The following COG5 variants were observed in gnomAD, a reference collection of about 807,000 sequenced individuals.
The protein encoded by COG5 is component of oligomeric golgi complex 5.
Under a neutral mutation model 110.4 loss-of-function variants are expected in COG5, and 86 were observed. The ratio of observed to expected loss-of-function variants is 0.78; its 90% confidence interval spans 0.65 to 0.93. The LOEUF is 0.93. Ranked by LOEUF, COG5 falls within the 40% of genes least tolerant of loss-of-function variation. COG5 has a pLI of 0.00. For synonymous variants in COG5, 360 were observed against 334.6 expected (o/e 1.08, Z -0.83); for missense variants, 1,077 against 987.0 (o/e 1.09, Z -1.22).
chr7:107,306,637 G>T (rs913087082), intron 11 of COG5, among the ~76,000 whole-genome samples: 5 of 152,086 alleles, frequency 3.3e-5, no homozygotes, highest in African/African-American at 1.2e-4. Context: ...CAAAGTTATG[G>T]AATCCAATAC....
At chr7:107,292,520 T>C (rs924483012) in intron 12 of COG5, among the ~76,000 whole-genome samples, 1 of 152,198 alleles carries the variant, frequency 6.6e-6, no homozygotes, top group African/African-American at 2.4e-5. Flanking sequence ...AAAGAGCCCA[T>C]GTCCTTATAC....
At chr7:107,372,878 T>C in intron 7 of COG5, 118 bp from the exon 8 acceptor site, 1 of 844,260 alleles carries the variant, frequency 1.2e-6, no homozygotes, top group Non-Finnish European at 1.8e-6. Flanking sequence ...AATACTACCA[T>C]ATTTTAAAAT....
At chr7:107,508,233 T>C (rs1476351465) in intron 6 of COG5, among the ~76,000 whole-genome samples, 1 of 152,184 alleles carries the variant, frequency 6.6e-6, no homozygotes, top group Non-Finnish European at 1.5e-5. Flanking sequence ...GGGGATTATA[T>C]CCCGCACCTG....
At chr7:107,391,203 C>T (rs773886875) in intron 7 of COG5, among the ~76,000 whole-genome samples, 3 of 152,090 alleles carry the variant, frequency 2.0e-5, no homozygotes, top group Non-Finnish European at 2.9e-5. Context: ...CCAGCGAGTA[C>T]AGCCCCAGTT....
chr7:107,513,009 A>T (rs1799643746), intron 6 of COG5, among the ~76,000 whole-genome samples: 1 of 152,144 alleles, frequency 6.6e-6, no homozygotes, highest in Non-Finnish European at 1.5e-5. Context: ...TGTCTAAAAC[A>T]CCAAAAGCAA....
chr7:107,563,830 C>T lies in COG5; in HGVS notation c.67G>A (p.Ala23Thr). ...TCCTGCAGAAGTTCCCGGACTGTAG[C>T]TGCAGCCGCTCCAGAGCCTCGAGCT... ...LGARGSGAAA[A>T]TVRELLQDGC... Residue 23 changes from alanine to threonine, a missense_variant, in exon 1 of 22, where the codon GCT becomes ACT. Coordinates refer to ENST00000297135, the MANE Select transcript of COG5 (RefSeq NM_006348.5). 6.2e-7 allele frequency: 1 copy of T among 1,613,812 alleles called. No individual in the cohort carries two copies. Among genetic ancestry groups the T allele is most frequent in the African/African-American group, 1.3e-5 (1 of 75,056 alleles).
At chr7:107,450,695 T>G (rs150620041) in intron 6 of COG5, among the ~76,000 whole-genome samples, 1 of 152,182 alleles carries the variant, frequency 6.6e-6, no homozygotes, top group Non-Finnish European at 1.5e-5. Context: ...AGGAGGATTG[T>G]CCTTATCTAT....
chr7:107,410,980 C>CGGGTTTTG (rs1792244561), intron 7 of COG5, among the ~76,000 whole-genome samples: 6 of 152,104 alleles, frequency 3.9e-5, no homozygotes. Context: ...GTGAGCCCAA[C>CGGGTTTTG]GTATGAGAAT....
At chr7:107,205,735 G>A (rs1202015206) in intron 21 of COG5, among the ~76,000 whole-genome samples, 1 of 152,048 alleles carries the variant, frequency 6.6e-6, no homozygotes, top group Non-Finnish European at 1.5e-5. Context: ...CCCTTTTAAG[G>A]AAAGCCTTTC....
rs1809040451 is a variant in COG5 at position 107,319,316 on chromosome 7, G to A, written c.1108+5124C>T. Among the ~76,000 whole-genome samples, 2 of 152,004 alleles carry A rather than the reference G, an allele frequency of 1.3e-5. 1 individual carries two copies. Among genetic ancestry groups the A allele is most frequent in the South Asian group, 4.2e-4 (2 of 4,818 alleles). ...TACTTCAGCTTCTCTGTTTCTACTG[G>A]TTATGGTCTCATTTTCCTGCTTCTT... On this transcript the variant is annotated intron_variant, in intron 11 of 21. Transcript: ENST00000297135.
intron 16 of COG5, among the ~76,000 whole-genome samples, chr7:107,255,480 ACTTTAGAAGCTCC>A (rs1285623388): frequency 1.3e-5 from 2 of 152,052 alleles, no homozygotes; most frequent in Non-Finnish European, 2.9e-5. Context: ...AAAGCATTTG[ACTTTAGAAGCTCC>A]CTTCCCCTTT....
intron 6 of COG5, among the ~76,000 whole-genome samples, chr7:107,483,285 G>A (rs1303003285): frequency 5.3e-5 from 8 of 152,032 alleles, no homozygotes; most frequent in Admixed American, 6.6e-5. Context: ...CAACCACATC[G>A]ATATTATCTT....
At chr7:107,510,547 C>A (rs1373352831) in intron 6 of COG5, among the ~76,000 whole-genome samples, 6 of 152,126 alleles carry the variant, frequency 3.9e-5, no homozygotes, top group African/African-American at 1.4e-4. Flanking sequence ...ACCAAGCGGA[C>A]CTAATAGACA....
chr7:107,240,376 G>A (rs1282398312), intron 17 of COG5, among the ~76,000 whole-genome samples: 3 of 151,800 alleles, frequency 2.0e-5, no homozygotes, highest in South Asian at 2.1e-4. Flanking sequence ...CCACCACCCC[G>A]GGCTAATTTT....
intron 7 of COG5, among the ~76,000 whole-genome samples, chr7:107,398,097 A>G (rs936398008): frequency 6.6e-6 from 1 of 152,196 alleles, no homozygotes; most frequent in South Asian, 2.1e-4. Flanking sequence ...CTTTCATAAT[A>G]TACAAAAGAA....
At chr7:107,515,730 G>A (rs1387327003) in intron 6 of COG5, among the ~76,000 whole-genome samples, 5 of 152,146 alleles carry the variant, frequency 3.3e-5, no homozygotes, top group Non-Finnish European at 7.4e-5. Context: ...TACTCTTGTT[G>A]CTAGCCTCTT....
chr7:107,390,143 T>G (rs186783063), intron 7 of COG5, among the ~76,000 whole-genome samples: 102 of 152,338 alleles, frequency 6.7e-4, no homozygotes, highest in African/African-American at 2.4e-3. Flanking sequence ...GACACGTGAT[T>G]GGCAAGATTC....
At chr7:107,330,585 C>A (rs1810151523) in intron 10 of COG5, among the ~76,000 whole-genome samples, 1 of 152,142 alleles carries the variant, frequency 6.6e-6, no homozygotes, top group African/African-American at 2.4e-5. Context: ...CTTCTTACTG[C>A]ACATTGAATA....
Position 107,445,248 on chromosome 7 carries a change from C to T in COG5, c.539-32616G>A, listed in dbSNP as rs77713915. ...TAGCTAATAAATATTAGTGGAGTTA[C>T]AAAAACACACTCTTCCTAGGTCTTT... On this transcript the variant is annotated intron_variant, in intron 6 of 21. Transcript: ENST00000297135. Among the ~76,000 whole-genome samples, 839 of 152,128 alleles carry T rather than the reference C, an allele frequency of 5.5e-3. 8 individuals carry two copies. Among genetic ancestry groups the T allele is most frequent in the African/African-American group, 0.019 (808 of 41,510 alleles).
Sources: gnomAD v4.1 joint callset for allele counts (sites outside exome capture counted in the v4.1 genomes callset) on GRCh38, gnomAD v4.1.1 for gene constraint, MANE v1.5 for transcripts, NCBI Gene and HGNC (gene_info 2026-07-23, HGNC 2026-07-21) for gene names.